The following OR1J2 variants were observed in gnomAD, a reference collection of about 807,000 sequenced individuals.
The protein encoded by OR1J2 is olfactory receptor family 1 subfamily J member 2, also known as olfactory receptor 1J2.
For missense variants in OR1J2, 304 were observed against 246.1 expected (o/e 1.24, Z -1.57); for synonymous variants, 142 against 99.7 (o/e 1.42, Z -2.52).
chr9:122,552,036 TACAC>T, the OR1J2 span, among the ~76,000 whole-genome samples: 8 of 123,968 alleles, frequency 6.5e-5, 1 homozygote, highest in African/African-American at 1.9e-4. Context: ...GTAGGACACA[TACAC>T]ACACACACAC....
At chr9:122,512,723 A>G (rs912121559), downstream of OR1J2, among the ~76,000 whole-genome samples, 2 of 152,142 alleles carry the variant, frequency 1.3e-5, no homozygotes, top group African/African-American at 4.8e-5. Flanking sequence ...GCCAACCTAT[A>G]TATGTAATGA....
At chr9:122,543,946 A>C in the OR1J2 span, among the ~76,000 whole-genome samples, 1 of 152,212 alleles carries the variant, frequency 6.6e-6, no homozygotes, top group Non-Finnish European at 1.5e-5. Context: ...AACCACAGGT[A>C]ACTGGTACCG....
At chr9:122,485,455 A>G in the OR1J2 span, among the ~76,000 whole-genome samples, 1 of 152,188 alleles carries the variant, frequency 6.6e-6, no homozygotes. Context: ...CATTCTTCAG[A>G]TTATCTGGGT....
At chr9:122,492,880 C>T in the OR1J2 span, among the ~76,000 whole-genome samples, 1 of 152,046 alleles carries the variant, frequency 6.6e-6, no homozygotes, top group Non-Finnish European at 1.5e-5. Context: ...TAAAGTATGT[C>T]CCTTATACAC....
chr9:122,553,537 T>C, the OR1J2 span: 9 of 1,614,136 alleles, frequency 5.6e-6, no homozygotes, highest in South Asian at 1.1e-5. Flanking sequence ...TTCCTCCTTA[T>C]GTTTGGTGGC....
chr9:122,569,615 C>T, the OR1J2 span, among the ~76,000 whole-genome samples: 1 of 87,172 alleles, frequency 1.1e-5, no homozygotes, highest in Non-Finnish European at 2.3e-5. Flanking sequence ...CATAAAATCT[C>T]TACAGTGAAC....
At chr9:122,547,955 T>C in the OR1J2 span, among the ~76,000 whole-genome samples, 4 of 152,174 alleles carry the variant, frequency 2.6e-5, no homozygotes, top group African/African-American at 9.7e-5. Flanking sequence ...CCAACATCTA[T>C]TATTTTTTGA....
chr9:122,564,011 A>G, the OR1J2 span, among the ~76,000 whole-genome samples: 51 of 152,224 alleles, frequency 3.4e-4, 1 homozygote, highest in African/African-American at 6.7e-4. Context: ...CTATAGCTTT[A>G]TAGTATGTTT....
the OR1J2 span, among the ~76,000 whole-genome samples, chr9:122,557,878 T>C: frequency 6.6e-6 from 1 of 152,054 alleles, no homozygotes; most frequent in African/African-American, 2.4e-5. Context: ...ACTATTGAGT[T>C]AATTTCTTTA....
chr9:122,486,158 A>G, the OR1J2 span, among the ~76,000 whole-genome samples: 2 of 152,052 alleles, frequency 1.3e-5, no homozygotes, highest in South Asian at 2.1e-4. Context: ...AGGGGGTTTC[A>G]CCATATTGCC....
At chr9:122,469,493 TC>T in the OR1J2 span, among the ~76,000 whole-genome samples, 1 of 152,348 alleles carries the variant, frequency 6.6e-6, no homozygotes, top group African/African-American at 2.4e-5. Context: ...AACTTCTTTT[TC>T]TTCCGAGTCT....
the OR1J2 span, among the ~76,000 whole-genome samples, chr9:122,541,008 A>C: frequency 2.6e-5 from 4 of 152,268 alleles, no homozygotes; most frequent in South Asian, 8.3e-4. Flanking sequence ...GAAAGCAAAC[A>C]CAGATGGCCT....
chr9:122,507,908 A>T (rs922410597), upstream of OR1J2, among the ~76,000 whole-genome samples: 98 of 152,118 alleles, frequency 6.4e-4, no homozygotes, highest in African/African-American at 2.2e-3. Flanking sequence ...CATCTTACAA[A>T]AACCTTATGG....
chr9:122,479,618 G>A, the OR1J2 span, among the ~76,000 whole-genome samples: 2 of 152,118 alleles, frequency 1.3e-5, no homozygotes, highest in Admixed American at 6.5e-5. Context: ...AGATATTAGC[G>A]AGGCTGTCAG....
At chr9:122,479,855 G>A in the OR1J2 span, among the ~76,000 whole-genome samples, 20 of 152,200 alleles carry the variant, frequency 1.3e-4, no homozygotes, top group African/African-American at 4.6e-4. Context: ...TAAAATGTTA[G>A]AGCTATTTAA....
At chr9:122,448,461 G>A in the OR1J2 span, among the ~76,000 whole-genome samples, 23 of 152,222 alleles carry the variant, frequency 1.5e-4, no homozygotes, top group Middle Eastern at 6.8e-3. Context: ...TATCTCAACT[G>A]CAAGAGGCCT....
chr9:122,527,853 G>A, the OR1J2 span, among the ~76,000 whole-genome samples: 1 of 152,188 alleles, frequency 6.6e-6, no homozygotes, highest in Non-Finnish European at 1.5e-5. Context: ...CATATTACAT[G>A]TTAGCCACAT....
chr9:122,458,937 T>C, the OR1J2 span, among the ~76,000 whole-genome samples: 1 of 152,182 alleles, frequency 6.6e-6, no homozygotes, highest in African/African-American at 2.4e-5. Flanking sequence ...TTTTTCATTC[T>C]TATTTCTAAC....
At chr9:122,557,091 C>T in the OR1J2 span, among the ~76,000 whole-genome samples, 5 of 151,994 alleles carry the variant, frequency 3.3e-5, no homozygotes, top group African/African-American at 7.2e-5. Context: ...CCCTGTATCC[C>T]GAAACCTTGC....
Sources: gnomAD v4.1 joint callset for allele counts (sites outside exome capture counted in the v4.1 genomes callset) on GRCh38, gnomAD v4.1.1 for gene constraint, MANE v1.5 for transcripts, NCBI Gene and HGNC (gene_info 2026-07-23, HGNC 2026-07-21) for gene names.